The following RAB31 variants were observed in gnomAD, a reference collection of about 807,000 sequenced individuals.
RAB31 encodes the protein ras-related protein Rab-31.
In RAB31, 21 loss-of-function variants were observed where a neutral mutation model predicts 25.6. The observed-to-expected ratio is 0.82, with a 90% CI of 0.58 to 1.18. RAB31 has a LOEUF of 1.18. RAB31 is among the 50% of genes most tolerant of loss of function. The pLI, the probability that RAB31 is intolerant of heterozygous loss-of-function variation, is 0.00. For missense variants in RAB31, 196 were observed against 250.1 expected, an observed-to-expected ratio of 0.78 and a Z score of 1.46; for synonymous variants, 87 against 84.0, an observed-to-expected ratio of 1.04 and a Z score of -0.20.
rs913604225 is a variant in RAB31 at position 9,835,930 on chromosome 18, C to A, written c.381-9652C>A. ...CATAACAAACTCTGATTATTCATTT[C>A]AGTGGGTGCTTGCCGGAACGGGGCC... On this transcript the variant is annotated intron_variant, in intron 5 of 6. Coordinates refer to ENST00000578921, the MANE Select transcript of RAB31 (RefSeq NM_006868.4). Among the ~76,000 whole-genome samples the A allele has an allele frequency of 5.3e-5, 8 of 152,168 alleles. 1 individual carries two copies. In the South Asian group the frequency reaches 1.2e-3, roughly 24 times the overall value.
At position 9,816,750 on chromosome 18, in the gene RAB31, A is replaced by G. The variant is rs183922903; in HGVS notation, c.380+1528A>G. Among the ~76,000 whole-genome samples the G allele has an allele frequency of 5.7e-4, 87 of 152,340 alleles. No homozygotes were observed. The Middle Eastern group carries it at 0.014, about 24-fold the overall frequency. ...GCTAGCTGTTTTGCTAAATAAATAC[A>G]TTATTTAAAAAAGGAAATAGCGAAT... On this transcript the variant is annotated intron_variant, in intron 5 of 6. Coordinates refer to ENST00000578921, the MANE Select transcript of RAB31 (RefSeq NM_006868.4).
rs1231704617 is a variant in RAB31 at position 9,708,874 on chromosome 18, G to A, written c.39+430G>A. ...TGGGGCCCCGAGGGCTTTCTCCTCC[G>A]CTTTTGATAGTTTCCTTCCGGCAGA... On this transcript the variant is annotated intron_variant, in intron 1 of 6. Transcript: ENST00000578921. This position sits in a 1 kb window ranked among gnomAD's most constrained non-coding sequence, Gnocchi z 6.4. Among the ~76,000 whole-genome samples, 1 of 152,224 alleles carries A rather than the reference G, an allele frequency of 6.6e-6. No individual in the cohort carries two copies. The highest frequency in any genetic ancestry group is 1.5e-5 in the Non-Finnish European group (1 of 68,040).
chr18:9,823,742 A>G (rs143872236), intron 5 of RAB31, among the ~76,000 whole-genome samples: 5 of 152,298 alleles, frequency 3.3e-5, no homozygotes, highest in African/African-American at 1.2e-4. Flanking sequence ...AATTTTGTAA[A>G]CACACTGGGC....
intron 1 of RAB31, among the ~76,000 whole-genome samples, chr18:9,734,237 C>A (rs895531281): frequency 6.6e-6 from 1 of 152,126 alleles, no homozygotes; most frequent in Non-Finnish European, 1.5e-5. Flanking sequence ...TGTCACAGCC[C>A]TGTGAGGTGT....
intron 2 of RAB31, among the ~76,000 whole-genome samples, chr18:9,785,508 A>G (rs2068427175): frequency 1.3e-5 from 2 of 152,142 alleles, no homozygotes; most frequent in African/African-American, 4.8e-5. Flanking sequence ...CCTGGCTCCT[A>G]ACTCCCAAAC....
At chr18:9,794,740 G>C (rs565126231) in intron 3 of RAB31, among the ~76,000 whole-genome samples, 2 of 152,036 alleles carry the variant, frequency 1.3e-5, no homozygotes, top group African/African-American at 4.8e-5. Flanking sequence ...ACTTGAACCC[G>C]GGAGGCGGAG....
intron 1 of RAB31, chr18:9,735,026 G>GT (rs796178723): frequency 0.013 from 2,368 of 179,222 alleles, 50 homozygotes; most frequent in African/African-American, 0.047. Flanking sequence ...TTGTTGTTTT[G>GT]TTTTTTTTTG....
intron 1 of RAB31, among the ~76,000 whole-genome samples, chr18:9,767,257 A>C (rs2068320875): frequency 6.6e-6 from 1 of 152,154 alleles, no homozygotes; most frequent in African/African-American, 2.4e-5. Flanking sequence ...TGTATGCCAT[A>C]ATTTTTGTGC....
intron 3 of RAB31, among the ~76,000 whole-genome samples, chr18:9,807,614 TG>T (rs2143062660): frequency 6.6e-6 from 1 of 152,336 alleles, no homozygotes; most frequent in South Asian, 2.1e-4. Flanking sequence ...CTTAAATCAT[TG>T]ATTTATTTTT....
intron 2 of RAB31, among the ~76,000 whole-genome samples, chr18:9,784,480 A>G (rs1312687419): frequency 1.3e-5 from 2 of 152,190 alleles, no homozygotes; most frequent in African/African-American, 4.8e-5. Context: ...GAATAATTCC[A>G]TAACATGATG....
rs550205012 is a variant in RAB31 at position 9,834,174 on chromosome 18, G to A, written c.381-11408G>A. 2.1e-4 allele frequency among the ~76,000 whole-genome samples: 32 copies of A among 152,080 alleles called. 1 individual carries two copies. In the South Asian group the frequency reaches 4.4e-3, roughly 21 times the overall value. On this transcript the variant is annotated intron_variant, in intron 5 of 6. Transcript: ENST00000578921. ...CTTGTTGCCCAGGCTAGAGTACAAC[G>A]GTGTAATCTTGGCTCCCTGCAACCT...
At chr18:9,826,856 G>A (rs1003285273) in intron 5 of RAB31, among the ~76,000 whole-genome samples, 5 of 150,700 alleles carry the variant, frequency 3.3e-5, no homozygotes, top group East Asian at 2.0e-4. Flanking sequence ...AGGATCCTCC[G>A]CGAAGGAGGG....
chr18:9,857,689 T>C (rs149606521), intron 6 of RAB31, among the ~76,000 whole-genome samples: 1 of 109,098 alleles, frequency 9.2e-6, no homozygotes, highest in Non-Finnish European at 1.9e-5. Flanking sequence ...AGATAGATGA[T>C]AGATAGATAG....
intron 6 of RAB31, chr18:9,856,490 A>G (rs1302264585): frequency 1.3e-5 from 2 of 152,240 alleles, no homozygotes; most frequent in Admixed American, 1.3e-4. Flanking sequence ...TTCCAAAGCA[A>G]AAAACTTATG....
chr18:9,796,098 A>T (rs1204274782), intron 3 of RAB31, among the ~76,000 whole-genome samples: 1 of 152,236 alleles, frequency 6.6e-6, no homozygotes, highest in African/African-American at 2.4e-5. Flanking sequence ...AGCAAACTGG[A>T]TGCAATTGGA....
At chr18:9,723,023 C>G (rs2068080332) in intron 1 of RAB31, among the ~76,000 whole-genome samples, 1 of 152,156 alleles carries the variant, frequency 6.6e-6, no homozygotes, top group African/African-American at 2.4e-5. Flanking sequence ...CAAAATAAAG[C>G]AAAGAATGCA....
intron 2 of RAB31, among the ~76,000 whole-genome samples, chr18:9,779,687 G>A (rs1051852085): frequency 6.6e-6 from 1 of 152,188 alleles, no homozygotes; most frequent in African/African-American, 2.4e-5. Context: ...CTGGCATCCT[G>A]TATTTGTGTT....
Position 9,846,196 on chromosome 18 carries a change from G to A in RAB31, c.490+505G>A, listed in dbSNP as rs573517625. ...TGTACAGGTACCCCATGTGTCTGGT[G>A]AGCTAATTAGGGAGGGTGACAGCCT... On this transcript the variant is annotated intron_variant, in intron 6 of 6. Transcript: ENST00000578921. Among the ~76,000 whole-genome samples the A allele has an allele frequency of 2.6e-5, 4 of 152,284 alleles. No individual in the cohort carries two copies. In the East Asian group the frequency reaches 7.7e-4, roughly 29 times the overall value.
intron 3 of RAB31, among the ~76,000 whole-genome samples, chr18:9,804,816 C>G (rs1290215919): frequency 6.1e-5 from 1 of 16,290 alleles, no homozygotes; most frequent in Non-Finnish European, 1.2e-4. Context: ...CAGACTCCCC[C>G]TCACTCCAAA....
Sources: gnomAD v4.1 joint callset for allele counts (sites outside exome capture counted in the v4.1 genomes callset) on GRCh38, gnomAD v4.1.1 for gene constraint, Gnocchi (gnomAD v3.1) non-coding constraint, MANE v1.5 for transcripts, NCBI Gene and HGNC (gene_info 2026-07-23, HGNC 2026-07-21) for gene names.